The following MAGI1 variants were observed in gnomAD, a reference collection of about 807,000 sequenced individuals.
MAGI1 encodes the protein membrane associated guanylate kinase, WW and PDZ domain containing 1, also known as membrane-associated guanylate kinase, WW and PDZ domain-containing protein 1.
MAGI1 carries 58 observed loss-of-function variants against 139.9 expected under a neutral mutation model. The observed-to-expected ratio is 0.41, with a 90% CI of 0.34 to 0.52. MAGI1 has a LOEUF of 0.52. Ranked by LOEUF, MAGI1 falls within the 20% of genes least tolerant of loss-of-function variation. The pLI is 0.12. For missense variants in MAGI1, 1,874 were observed against 1,901.6 expected (o/e 0.99, Z 0.27); for synonymous variants, 812 against 737.9 (o/e 1.10, Z -1.63).
At chr3:65,484,806 G>C (rs13082932) in intron 3 of MAGI1, among the ~76,000 whole-genome samples, 39,721 of 152,050 alleles carry the variant, frequency 0.26, 5,790 homozygotes, top group African/African-American at 0.38. Context: ...CCACAGACTA[G>C]ATCAAAGCTG....
chr3:65,961,740 A>T (rs943222813), intron 1 of MAGI1, among the ~76,000 whole-genome samples: 2 of 152,198 alleles, frequency 1.3e-5, no homozygotes, highest in African/African-American at 4.8e-5. Context: ...AAAGAACCAC[A>T]TCCATTCGTG....
intron 1 of MAGI1, among the ~76,000 whole-genome samples, chr3:65,840,362 T>TCTTG (rs2058763815): frequency 6.6e-6 from 1 of 152,224 alleles, no homozygotes; most frequent in Non-Finnish European, 1.5e-5. Context: ...AGGCATTCGG[T>TCTTG]CTTGCACCAT....
intron 1 of MAGI1, among the ~76,000 whole-genome samples, chr3:65,926,392 CCTCT>C (rs1408609813): frequency 7.0e-6 from 1 of 143,676 alleles, no homozygotes; most frequent in Non-Finnish European, 1.5e-5. Context: ...CCTACACCTC[CCTCT>C]GTCAGAGGGG....
intron 1 of MAGI1, among the ~76,000 whole-genome samples, chr3:65,672,757 GACTTGTA>G (rs1249092962): frequency 6.6e-6 from 1 of 152,164 alleles, no homozygotes; most frequent in Non-Finnish European, 1.5e-5. Context: ...GGAGGAAACA[GACTTGTA>G]ACTATAATTC....
At chr3:65,699,032 A>C (rs2089413994) in intron 1 of MAGI1, among the ~76,000 whole-genome samples, 1 of 130,114 alleles carries the variant, frequency 7.7e-6, no homozygotes, top group Admixed American at 7.8e-5. Flanking sequence ...ATTTACAAGA[A>C]AAAAACAAAC....
chr3:65,585,308 C>T (rs896157341), intron 2 of MAGI1, among the ~76,000 whole-genome samples: 2 of 152,120 alleles, frequency 1.3e-5, no homozygotes. Flanking sequence ...TTGTGCAATG[C>T]ATTAAAATGT....
intron 1 of MAGI1, among the ~76,000 whole-genome samples, chr3:65,891,149 G>A (rs924215253): frequency 6.6e-6 from 1 of 150,830 alleles, no homozygotes; most frequent in Admixed American, 6.6e-5. Context: ...GGAGGCAGAG[G>A]ATGCAGTGCG....
intron 1 of MAGI1, among the ~76,000 whole-genome samples, chr3:66,033,750 G>A (rs1180723510): frequency 6.6e-6 from 1 of 152,154 alleles, no homozygotes; most frequent in Admixed American, 6.5e-5. Context: ...TACACAAAAA[G>A]TAGAGGGATA....
intron 3 of MAGI1, among the ~76,000 whole-genome samples, chr3:65,487,894 A>G (rs181680251): frequency 6.6e-6 from 1 of 152,326 alleles, no homozygotes; most frequent in African/African-American, 2.4e-5. Flanking sequence ...CTAAAACTGA[A>G]GCCACCAGCC....
chr3:65,817,892 G>A (rs775950617), intron 1 of MAGI1, among the ~76,000 whole-genome samples: 1 of 152,144 alleles, frequency 6.6e-6, no homozygotes, highest in Non-Finnish European at 1.5e-5. Flanking sequence ...AAAGCTAATC[G>A]TAAAAGAAAT....
intron 18 of MAGI1, among the ~76,000 whole-genome samples, chr3:65,370,777 C>T (rs1366709883): frequency 5.9e-5 from 9 of 152,288 alleles, no homozygotes; most frequent in African/African-American, 1.7e-4. Flanking sequence ...CTGCCCGTTG[C>T]CCCAAATAGT....
chr3:66,036,898 C>T (rs1268642219), intron 1 of MAGI1, among the ~76,000 whole-genome samples: 1 of 152,146 alleles, frequency 6.6e-6, no homozygotes, highest in Non-Finnish European at 1.5e-5. Flanking sequence ...GAGGACAGCC[C>T]CTTGTCTGTA....
At chr3:65,456,491 T>G (rs1949399571) in intron 5 of MAGI1, among the ~76,000 whole-genome samples, 1 of 152,128 alleles carries the variant, frequency 6.6e-6, no homozygotes, top group African/African-American at 2.4e-5. Flanking sequence ...CCTTTCATCC[T>G]CTATCAGACT....
At chr3:65,801,868 G>C (rs2040535404) in intron 1 of MAGI1, among the ~76,000 whole-genome samples, 1 of 152,114 alleles carries the variant, frequency 6.6e-6, no homozygotes, top group East Asian at 1.9e-4. Flanking sequence ...TAGGAACCCA[G>C]CCACACAGCA....
intron 1 of MAGI1, among the ~76,000 whole-genome samples, chr3:65,719,720 AT>A (rs1406995119): frequency 6.6e-6 from 1 of 151,838 alleles, no homozygotes; most frequent in Non-Finnish European, 1.5e-5. Flanking sequence ...TAATTTTTGT[AT>A]TTTTTTGTAG....
chr3:65,702,597 G>C (rs1473044576), intron 1 of MAGI1, among the ~76,000 whole-genome samples: 2 of 152,010 alleles, frequency 1.3e-5, no homozygotes, highest in Middle Eastern at 3.2e-3. Context: ...AAATGCTCTT[G>C]ACTCTTCTAC....
intron 1 of MAGI1, among the ~76,000 whole-genome samples, chr3:65,910,756 C>T (rs902939258): frequency 5.9e-5 from 9 of 151,670 alleles, no homozygotes; most frequent in African/African-American, 1.5e-4. Flanking sequence ...TTTTACTTCT[C>T]GACATGAAGG....
Position 65,753,639 on chromosome 3 carries a change from T to C in MAGI1, c.314-131551A>G, listed in dbSNP as rs544309351. On this transcript the variant is annotated intron_variant, in intron 1 of 22. Coordinates refer to ENST00000402939, the MANE Select transcript of MAGI1 (RefSeq NM_001033057.2). ...GGGAGGCTGAGGCAGCAGAATCACT[T>C]GAGCTCGGGAGGCAGAGGTTCCAGT... 2.0e-5 allele frequency among the ~76,000 whole-genome samples: 3 copies of C among 150,112 alleles called. No individual in the cohort carries two copies. In the South Asian group the frequency reaches 6.4e-4, roughly 32 times the overall value.
At chr3:65,700,277 A>G (rs924918205) in intron 1 of MAGI1, among the ~76,000 whole-genome samples, 1 of 152,176 alleles carries the variant, frequency 6.6e-6, no homozygotes, top group African/African-American at 2.4e-5. Flanking sequence ...TCCGGCCTCT[A>G]CTAAAAACAC....
Sources: gnomAD v4.1 joint callset for allele counts (sites outside exome capture counted in the v4.1 genomes callset) on GRCh38, gnomAD v4.1.1 for gene constraint, MANE v1.5 for transcripts, NCBI Gene and HGNC (gene_info 2026-07-23, HGNC 2026-07-21) for gene names.